Variants in DOCK3 observed in about 807,000 individuals in gnomAD.
The protein encoded by DOCK3 is dedicator of cytokinesis 3, also known as dedicator of cytokinesis protein 3.
DOCK3 carries 60 observed loss-of-function variants against 265.6 expected under a neutral mutation model. The ratio of observed to expected loss-of-function variants is 0.23; its 90% CI spans 0.18 to 0.28. The LOEUF is 0.28. Ranked by LOEUF, DOCK3 falls within the 10% of genes least tolerant of loss-of-function variation. DOCK3 has a pLI of 1.00. For missense variants in DOCK3, 1,981 were observed against 2,594.3 expected, an observed-to-expected ratio of 0.76 and a Z score of 5.14; for synonymous variants, 881 against 938.0, an observed-to-expected ratio of 0.94 and a Z score of 1.11.
At chr3:51,143,532 A>G (rs1013934820) in intron 9 of DOCK3, among the ~76,000 whole-genome samples, 15 of 152,114 alleles carry the variant, frequency 9.9e-5, no homozygotes, top group Non-Finnish European at 2.2e-4. Flanking sequence ...ATCCTCCCAA[A>G]GTGCTGGGAT....
rs567976201 is a variant in DOCK3 at position 50,993,319 on chromosome 3, T to G, written c.315+59242T>G. On this transcript the variant is annotated intron_variant, in intron 5 of 52. Transcript: ENST00000266037. The stretch of plus-strand genomic sequence containing the variant: ...GCTTCTTTTTCTGGGTTTTTGCCTT[T>G]TTTCAAAATTTGGCTTAATAATTCC... 2.0e-5 allele frequency among the ~76,000 whole-genome samples: 3 copies of G among 152,368 alleles called. No homozygotes were observed. The South Asian group carries it at 6.2e-4, about 32-fold the overall frequency.
intron 5 of DOCK3, among the ~76,000 whole-genome samples, chr3:51,045,933 G>C (rs1454217480): frequency 6.6e-6 from 1 of 152,102 alleles, no homozygotes; most frequent in African/African-American, 2.4e-5. Context: ...AAGCAGTACA[G>C]ATGGGTAGCA....
chr3:51,123,929 G>T (rs951847798), intron 9 of DOCK3, among the ~76,000 whole-genome samples: 3 of 152,146 alleles, frequency 2.0e-5, no homozygotes, highest in Non-Finnish European at 4.4e-5. Flanking sequence ...GGCCTGCTAT[G>T]TTAACTCTTT....
intron 5 of DOCK3, among the ~76,000 whole-genome samples, chr3:51,015,274 T>C (rs2079107097): frequency 6.6e-6 from 1 of 152,126 alleles, no homozygotes; most frequent in African/African-American, 2.4e-5. Context: ...GAATCTGTTA[T>C]ATATGGCTTT....
intron 22 of DOCK3, among the ~76,000 whole-genome samples, chr3:51,248,845 G>A (rs1399460789): frequency 1.5e-5 from 2 of 130,112 alleles, no homozygotes; most frequent in African/African-American, 6.0e-5. Context: ...CTGCCCCGCC[G>A]CCCCGTCTGG....
At chr3:50,930,711 G>A (rs1487517531) in intron 4 of DOCK3, among the ~76,000 whole-genome samples, 2 of 152,308 alleles carry the variant, frequency 1.3e-5, no homozygotes, top group East Asian at 1.9e-4. Context: ...GCCTCGGGCC[G>A]GCAATTGGGA....
At chr3:51,019,475 A>T (rs1488815740) in intron 5 of DOCK3, among the ~76,000 whole-genome samples, 1 of 151,616 alleles carries the variant, frequency 6.6e-6, no homozygotes, top group Non-Finnish European at 1.5e-5. Context: ...TTCCCTTCAA[A>T]TTTTATTGTA....
Position 51,229,589 on chromosome 3 carries a change from A to T in DOCK3, c.1897A>T (p.Ser633Cys), listed in dbSNP as rs753779899. The T allele has an allele frequency of 6.2e-7, 1 of 1,605,168 alleles. No individual in the cohort carries two copies. Among genetic ancestry groups the T allele is most frequent in the South Asian group, 1.1e-5 (1 of 88,970 alleles). Reference protein sequence around the residue: ...MDVLGRLRHVSGEEIVKFLQD... With the variant: ...MDVLGRLRHVCGEEIVKFLQD... The stretch of plus-strand genomic sequence containing the variant: ...TGTACTAGGGCGGCTGCGGCATGTC[A>T]GTGGGGAGGAAATTGTTAAGGTATG... The change falls in exon 19 of 53, where the codon AGT (serine) becomes TGT (cysteine). Residue 633 changes from serine (S) to cysteine (C), a missense_variant. By Grantham distance (112) the Ser-to-Cys change is moderately radical (BLOSUM62 -1). Around this residue, in one of 4 missense-constraint regions of DOCK3, gnomAD observed 1,357 missense variants for 1,866.8 expected, o/e 0.73. Transcript: ENST00000266037.
At chr3:51,271,928 G>A (rs1015563887) in intron 24 of DOCK3, among the ~76,000 whole-genome samples, 1 of 151,178 alleles carries the variant, frequency 6.6e-6, no homozygotes, top group African/African-American at 2.4e-5. Flanking sequence ...CATACCATTC[G>A]ATACCTTTCC....
At chr3:51,194,472 A>G (rs1437909375) in intron 12 of DOCK3, among the ~76,000 whole-genome samples, 1 of 152,172 alleles carries the variant, frequency 6.6e-6, no homozygotes, top group Non-Finnish European at 1.5e-5. Flanking sequence ...TTTTTTGTCT[A>G]GATTATCTGT....
At chr3:51,052,502 A>AAATG (rs2081031632) in intron 5 of DOCK3, among the ~76,000 whole-genome samples, 1 of 152,198 alleles carries the variant, frequency 6.6e-6, no homozygotes. Context: ...CCTGTCTAAA[A>AAATG]AATGAATGAA....
At chr3:50,830,988 T>A (rs1029593225) in intron 2 of DOCK3, among the ~76,000 whole-genome samples, 4 of 151,944 alleles carry the variant, frequency 2.6e-5, no homozygotes, top group Non-Finnish European at 5.9e-5. Context: ...TGAGGGTTCC[T>A]CCCCTTTTTA....
intron 12 of DOCK3, among the ~76,000 whole-genome samples, chr3:51,171,533 G>A (rs887946517): frequency 4.6e-5 from 7 of 151,962 alleles, no homozygotes; most frequent in African/African-American, 1.2e-4. Context: ...TGGCTAACAC[G>A]GTGAAATCCC....
At chr3:50,768,303 A>G (rs1018142644) in intron 1 of DOCK3, among the ~76,000 whole-genome samples, 3 of 152,166 alleles carry the variant, frequency 2.0e-5, no homozygotes, top group African/African-American at 7.2e-5. Context: ...TCAATACCTA[A>G]TCTATTGAGA....
intron 1 of DOCK3, among the ~76,000 whole-genome samples, chr3:50,737,286 A>T (rs2038698818): frequency 6.6e-6 from 1 of 152,118 alleles, no homozygotes; most frequent in Admixed American, 6.6e-5. Context: ...CATGCCTATG[A>T]GCAGGAGCAG....
At chr3:50,824,765 TTTTAGG>T (rs1230342713) in intron 2 of DOCK3, among the ~76,000 whole-genome samples, 1 of 152,200 alleles carries the variant, frequency 6.6e-6, no homozygotes, top group East Asian at 1.9e-4. Flanking sequence ...TTCATGTAAA[TTTTAGG>T]TAGATGAATG....
chr3:51,287,026 G>A lies in DOCK3; in HGVS notation c.2922+6822G>A, dbSNP rs1261859577. ...AGAAAAACTCTCAACAGAATAAACA[G>A]GCAAGCCACAGAATGGGAGAAAATA... On this transcript the variant is annotated intron_variant, in intron 27 of 52. Coordinates refer to ENST00000266037, the MANE Select transcript of DOCK3 (RefSeq NM_004947.5). Among the ~76,000 whole-genome samples the A allele has an allele frequency of 2.6e-5, 4 of 152,212 alleles. No homozygotes were observed. The East Asian group carries it at 7.7e-4, about 29-fold the overall frequency.
intron 9 of DOCK3, among the ~76,000 whole-genome samples, chr3:51,136,650 G>A: frequency 6.6e-6 from 1 of 152,132 alleles, no homozygotes; most frequent in East Asian, 1.9e-4. Context: ...CATTTCTATA[G>A]CCTCAGCATT....
intron 23 of DOCK3, among the ~76,000 whole-genome samples, chr3:51,261,337 AG>A (rs1166454759): frequency 1.3e-5 from 2 of 152,110 alleles, no homozygotes; most frequent in African/African-American, 4.8e-5. Context: ...CCCCTACCCA[AG>A]GGAAGCTGGG....
Sources: gnomAD v4.1 joint callset for allele counts (sites outside exome capture counted in the v4.1 genomes callset) on GRCh38, gnomAD v4.1.1 for gene constraint, gnomAD v4.1.1 regional missense constraint, MANE v1.5 for transcripts, NCBI Gene and HGNC (gene_info 2026-07-23, HGNC 2026-07-21) for gene names.